Variants in RAB11FIP4 observed in about 807,000 individuals in gnomAD.
RAB11FIP4 encodes RAB11 family interacting protein 4, also known as rab11 family-interacting protein 4.
In RAB11FIP4, 23 loss-of-function variants were observed where a neutral mutation model predicts 74.3. The observed-to-expected ratio is 0.31, with a 90% CI of 0.22 to 0.44. The LOEUF is 0.44. RAB11FIP4 is among the 20% of genes least tolerant of loss of function. RAB11FIP4 has a pLI of 1.00. For synonymous variants in RAB11FIP4, 360 were observed against 359.9 expected, an observed-to-expected ratio of 1.00 and a Z score of 0.00; for missense variants, 630 against 863.9, an observed-to-expected ratio of 0.73 and a Z score of 3.39.
chr17:31,450,312 G>T (rs1346629452), intron 3 of RAB11FIP4, among the ~76,000 whole-genome samples: 1 of 143,308 alleles, frequency 7.0e-6, no homozygotes, highest in Admixed American at 7.1e-5. Context: ...CCACCCCCCC[G>T]CCACCGGCTT....
chr17:31,454,687 C>T (rs959474791), intron 3 of RAB11FIP4, among the ~76,000 whole-genome samples: 8 of 152,168 alleles, frequency 5.3e-5, no homozygotes, highest in African/African-American at 1.9e-4. Flanking sequence ...ACTTCAAGAC[C>T]ATCCTGGCCA....
At chr17:31,503,706 A>C (rs2072263639) in intron 3 of RAB11FIP4, among the ~76,000 whole-genome samples, 1 of 149,790 alleles carries the variant, frequency 6.7e-6, no homozygotes, top group Admixed American at 6.6e-5. Context: ...TTTGAAACCA[A>C]GACTGCTCGT....
At chr17:31,503,734 A>ATGTTC (rs1195706447) in intron 3 of RAB11FIP4, among the ~76,000 whole-genome samples, 1 of 149,650 alleles carries the variant, frequency 6.7e-6, no homozygotes. Context: ...TTCTCATTTC[A>ATGTTC]TCCTTGAAGC....
intron 3 of RAB11FIP4, among the ~76,000 whole-genome samples, chr17:31,507,633 T>G (rs1268862838): frequency 6.6e-6 from 1 of 152,170 alleles, no homozygotes; most frequent in Admixed American, 6.5e-5. Flanking sequence ...ATTTTTTTAT[T>G]CCTTCATTTC....
At chr17:31,493,003 A>G (rs945621851) in intron 3 of RAB11FIP4, among the ~76,000 whole-genome samples, 7 of 152,088 alleles carry the variant, frequency 4.6e-5, no homozygotes, top group African/African-American at 1.7e-4. Flanking sequence ...GCAGCCTACA[A>G]GGGTCGTATG....
intron 3 of RAB11FIP4, among the ~76,000 whole-genome samples, chr17:31,495,568 C>T (rs1039747279): frequency 2.6e-5 from 4 of 151,980 alleles, no homozygotes; most frequent in Non-Finnish European, 5.9e-5. Context: ...CACTATGTCA[C>T]CCATGCTGGT....
chr17:31,396,982 G>A (rs2070937499), intron 1 of RAB11FIP4, among the ~76,000 whole-genome samples: 1 of 152,152 alleles, frequency 6.6e-6, no homozygotes, highest in Admixed American at 6.5e-5. Context: ...AGTGCCACTT[G>A]GGTTAAGCCT....
At chr17:31,486,499 ATACC>A (rs1209180209) in intron 3 of RAB11FIP4, among the ~76,000 whole-genome samples, 1 of 152,154 alleles carries the variant, frequency 6.6e-6, no homozygotes, top group Non-Finnish European at 1.5e-5. Context: ...CTGGCCTCAA[ATACC>A]TAGCCACAAG....
At chr17:31,516,292 A>C (rs1469878361) in intron 3 of RAB11FIP4, among the ~76,000 whole-genome samples, 2 of 151,188 alleles carry the variant, frequency 1.3e-5, no homozygotes, top group Admixed American at 6.6e-5. Context: ...AAAGCTGTTC[A>C]GTGTGACTGT....
intron 3 of RAB11FIP4, among the ~76,000 whole-genome samples, chr17:31,439,390 A>G (rs2071388275): frequency 1.3e-5 from 2 of 152,096 alleles, no homozygotes; most frequent in Non-Finnish European, 2.9e-5. Context: ...CCATCCATCC[A>G]CCTGCTGGTC....
At chr17:31,479,238 A>G (rs1407654980) in intron 3 of RAB11FIP4, among the ~76,000 whole-genome samples, 2 of 152,224 alleles carry the variant, frequency 1.3e-5, no homozygotes, top group Non-Finnish European at 2.9e-5. Context: ...CCCTTGTCCA[A>G]GGTTCCCATT....
intron 3 of RAB11FIP4, among the ~76,000 whole-genome samples, chr17:31,435,883 T>C (rs1288670371): frequency 6.6e-6 from 1 of 152,212 alleles, no homozygotes; most frequent in Non-Finnish European, 1.5e-5. Flanking sequence ...CCCTCAGGGA[T>C]GCGTGGAGAT....
intron 3 of RAB11FIP4, among the ~76,000 whole-genome samples, chr17:31,476,437 G>A (rs746086678): frequency 1.3e-5 from 2 of 152,012 alleles, no homozygotes; most frequent in African/African-American, 2.4e-5. Flanking sequence ...CACCCACCTC[G>A]GGCTCCCAAA....
At chr17:31,528,039 T>C (rs554246944) in intron 11 of RAB11FIP4, 116 bp downstream of exon 11, 6 of 754,866 alleles carry the variant, frequency 7.9e-6, no homozygotes, top group Non-Finnish European at 1.1e-5. Flanking sequence ...AAAAAGTGAA[T>C]AACAACTTGT....
chr17:31,445,380 G>T (rs571913661), intron 3 of RAB11FIP4, among the ~76,000 whole-genome samples: 1 of 151,586 alleles, frequency 6.6e-6, no homozygotes, highest in African/African-American at 2.4e-5. Flanking sequence ...TTGAAAGTTA[G>T]TTGCGGACAT....
At chr17:31,467,808 G>C (rs1445001301) in intron 3 of RAB11FIP4, among the ~76,000 whole-genome samples, 1 of 152,206 alleles carries the variant, frequency 6.6e-6, no homozygotes, top group African/African-American at 2.4e-5. Context: ...TCCCATCCCT[G>C]CTGTGATAGA....
At chr17:31,483,115 C>G (rs2071865711) in intron 3 of RAB11FIP4, among the ~76,000 whole-genome samples, 1 of 144,608 alleles carries the variant, frequency 6.9e-6, no homozygotes, top group South Asian at 2.2e-4. Flanking sequence ...ATCGCTTGAA[C>G]CCTGGAGGCG....
At chr17:31,530,804 G>T (rs567504173) in intron 14 of RAB11FIP4, among the ~76,000 whole-genome samples, 3 of 152,290 alleles carry the variant, frequency 2.0e-5, no homozygotes, top group Admixed American at 6.5e-5. Context: ...TCCCAGTCCA[G>T]AGAGGGAGGA....
rs376207258 is a variant in RAB11FIP4 at position 31,510,742 on chromosome 17, C to A, written c.337-6909C>A. ...GTCTGGCTTCCTGCAGCCAAAAAAA[C>A]CCAGCCGAGCTGCAGCCCAGTGAGC... is the stretch of plus-strand genomic sequence containing the variant. On this transcript the variant is annotated intron_variant, in intron 3 of 14. Transcript: ENST00000621161. Among the ~76,000 whole-genome samples, 38 of 152,276 alleles carry A rather than the reference C, an allele frequency of 2.5e-4. No individual in the cohort carries two copies. In the East Asian group the frequency reaches 3.9e-3, roughly 16 times the overall value.
Sources: gnomAD v4.1 joint callset for allele counts (sites outside exome capture counted in the v4.1 genomes callset) on GRCh38, gnomAD v4.1.1 for gene constraint, MANE v1.5 for transcripts, NCBI Gene and HGNC (gene_info 2026-07-23, HGNC 2026-07-21) for gene names.